Variants in PDE1A observed in about 807,000 individuals in gnomAD.
PDE1A encodes dual specificity calcium/calmodulin-dependent 3',5'-cyclic nucleotide phosphodiesterase 1A.
In PDE1A, 35 loss-of-function variants were observed where a neutral mutation model predicts 61.7. The observed-to-expected ratio is 0.57, with a 90% CI of 0.43 to 0.75. The LOEUF is 0.75. PDE1A is among the 30% of genes least tolerant of loss of function. The probability of loss-of-function intolerance (pLI) is 0.00; values close to 1 mark genes in which losing one functional copy is unlikely to be tolerated. For missense variants in PDE1A, 597 were observed against 630.6 expected (o/e 0.95, Z 0.57); for synonymous variants, 232 against 213.2 (o/e 1.09, Z -0.77).
intron 1 of PDE1A, among the ~76,000 whole-genome samples, chr2:182,346,470 T>C (rs186686828): frequency 2.0e-5 from 3 of 152,272 alleles, no homozygotes; most frequent in East Asian, 1.9e-4. Context: ...ATTTACTGAG[T>C]ACCATGTCAG....
chr2:182,607,544 A>G, the PDE1A span, among the ~76,000 whole-genome samples: 1 of 152,204 alleles, frequency 6.6e-6, no homozygotes, highest in African/African-American at 2.4e-5. Context: ...ACATGTGAAT[A>G]GTCAACCCTC....
chr2:182,611,168 CGTAA>C, the PDE1A span, among the ~76,000 whole-genome samples: 2 of 152,162 alleles, frequency 1.3e-5, no homozygotes, highest in African/African-American at 2.4e-5. Context: ...ACCTACAATA[CGTAA>C]GTGAGTGATT....
At chr2:182,496,616 T>C (rs1489136930) in intron 2 of PDE1A, among the ~76,000 whole-genome samples, 1 of 152,228 alleles carries the variant, frequency 6.6e-6, no homozygotes, top group Non-Finnish European at 1.5e-5. Flanking sequence ...CTGAAAGCAT[T>C]TGGAAGGCAA....
At chr2:182,636,235 G>C in the PDE1A span, among the ~76,000 whole-genome samples, 1 of 152,066 alleles carries the variant, frequency 6.6e-6, no homozygotes, top group African/African-American at 2.4e-5. Context: ...TGGGATTACA[G>C]GCGTGATACA....
chr2:182,463,147 G>A (rs1040563474), intron 2 of PDE1A, among the ~76,000 whole-genome samples: 10 of 151,824 alleles, frequency 6.6e-5, no homozygotes, highest in South Asian at 2.1e-4. Context: ...AGGCTGAGGC[G>A]AGAATCCCTT....
At chr2:182,311,041 T>C (rs1272262872) in intron 1 of PDE1A, among the ~76,000 whole-genome samples, 2 of 152,306 alleles carry the variant, frequency 1.3e-5, no homozygotes, top group South Asian at 2.1e-4. Context: ...CTCTCTAGGT[T>C]TGAGATCCTG....
chr2:182,559,410 G>T, the PDE1A span, among the ~76,000 whole-genome samples: 1 of 152,134 alleles, frequency 6.6e-6, no homozygotes, highest in African/African-American at 2.4e-5. Context: ...ATATAATCAT[G>T]ATTTTAAACC....
chr2:182,540,382 AAAAGCAGC>A, the PDE1A span, among the ~76,000 whole-genome samples: 1,416 of 138,530 alleles, frequency 0.01, 29 homozygotes, highest in African/African-American at 0.035. Context: ...AAAAAAAAAA[AAAAGCAGC>A]AGCAGCAGCA....
intron 1 of PDE1A, among the ~76,000 whole-genome samples, chr2:182,408,552 G>T (rs1702433230): frequency 6.6e-6 from 1 of 152,084 alleles, no homozygotes; most frequent in Non-Finnish European, 1.5e-5. Context: ...ACTATTTCAG[G>T]GTCTTTGGGC....
At chr2:182,555,498 A>T in the PDE1A span, among the ~76,000 whole-genome samples, 1 of 152,214 alleles carries the variant, frequency 6.6e-6, no homozygotes, top group Non-Finnish European at 1.5e-5. Context: ...GTTATAGTGC[A>T]GTGAAAAACG....
intron 10 of PDE1A, among the ~76,000 whole-genome samples, chr2:182,191,147 GA>G (rs766574466): frequency 6.6e-6 from 1 of 151,956 alleles, no homozygotes; most frequent in Middle Eastern, 3.2e-3. Flanking sequence ...TCCTAGCAAG[GA>G]ATTGACAAGA....
intron 2 of PDE1A, among the ~76,000 whole-genome samples, chr2:182,472,047 A>C (rs1477257465): frequency 1.7e-4 from 26 of 151,898 alleles, no homozygotes; most frequent in Admixed American, 1.7e-3. Flanking sequence ...AATATTAAAA[A>C]GACAAAAAGT....
At chr2:182,370,398 T>A (rs905276565) in intron 1 of PDE1A, among the ~76,000 whole-genome samples, 2 of 152,142 alleles carry the variant, frequency 1.3e-5, no homozygotes, top group East Asian at 3.9e-4. Context: ...AGGAAACTTG[T>A]AAAGATTTCA....
intron 2 of PDE1A, among the ~76,000 whole-genome samples, chr2:182,254,173 G>A (rs1186603616): frequency 6.6e-6 from 1 of 151,948 alleles, no homozygotes; most frequent in African/African-American, 2.4e-5. Context: ...TTTCAGGAGT[G>A]AGGCTGTTTT....
chr2:182,497,373 G>GT (rs1333841663), intron 2 of PDE1A, among the ~76,000 whole-genome samples: 1 of 152,208 alleles, frequency 6.6e-6, no homozygotes, highest in Non-Finnish European at 1.5e-5. Context: ...AAGGCACCAG[G>GT]TATCACAGCA....
At chr2:182,708,190 CA>C in the PDE1A span, among the ~76,000 whole-genome samples, 1 of 152,034 alleles carries the variant, frequency 6.6e-6, no homozygotes, top group Non-Finnish European at 1.5e-5. Flanking sequence ...TCCCCAGATT[CA>C]AATTCCAGTT....
chr2:182,321,608 A>C (rs1437824462), intron 1 of PDE1A, among the ~76,000 whole-genome samples: 1 of 152,146 alleles, frequency 6.6e-6, no homozygotes, highest in East Asian at 1.9e-4. Flanking sequence ...CAAGGAGTAA[A>C]ATGATCCTTT....
intron 1 of PDE1A, among the ~76,000 whole-genome samples, chr2:182,370,191 A>C (rs1002145000): frequency 2.6e-5 from 4 of 151,832 alleles, no homozygotes; most frequent in South Asian, 2.1e-4. Flanking sequence ...AAGAAAAAAA[A>C]GAAAAAGAAA....
At chr2:182,385,442 T>C (rs1328372534) in intron 1 of PDE1A, among the ~76,000 whole-genome samples, 1 of 152,116 alleles carries the variant, frequency 6.6e-6, no homozygotes, top group African/African-American at 2.4e-5. Context: ...AATAAATGTA[T>C]ATTTTGTGGG....
Sources: gnomAD v4.1 joint callset for allele counts (sites outside exome capture counted in the v4.1 genomes callset) on GRCh38, gnomAD v4.1.1 for gene constraint, MANE v1.5 for transcripts, NCBI Gene and HGNC (gene_info 2026-07-23, HGNC 2026-07-21) for gene names.